The following MASP1 variants were observed in gnomAD, a reference collection of about 807,000 sequenced individuals.
MASP1 encodes mannan-binding lectin serine protease 1.
In MASP1, 59 loss-of-function variants were observed where a neutral mutation model predicts 77.1. The observed-to-expected ratio is 0.77, with a 90% CI of 0.62 to 0.95. The LOEUF is 0.95. Among genes scored for constraint, MASP1 ranks in the 40% least tolerant of loss-of-function variants. The pLI, the probability that MASP1 is intolerant of heterozygous loss-of-function variation, is 0.00. For missense variants in MASP1, 885 were observed against 912.9 expected (o/e 0.97, Z 0.39); for synonymous variants, 362 against 354.5 (o/e 1.02, Z -0.24).
intron 12 of MASP1, chr3:187,226,077 T>C (rs1712408636): frequency 2.6e-6 from 1 of 379,944 alleles, no homozygotes; most frequent in African/African-American, 2.1e-5. Context: ...TCTGATTTTA[T>C]AAACAAGAGG....
At chr3:187,264,943 G>A (rs1715894078) in intron 2 of MASP1, among the ~76,000 whole-genome samples, 1 of 152,050 alleles carries the variant, frequency 6.6e-6, no homozygotes, top group Non-Finnish European at 1.5e-5. Context: ...TGGAGGTCCT[G>A]GGTCCTGTTC....
At chr3:187,232,614 G>A (rs982895466), downstream of MASP1, among the ~76,000 whole-genome samples, 8 of 152,026 alleles carry the variant, frequency 5.3e-5, no homozygotes, top group South Asian at 6.2e-4. Context: ...TCAATCAGTC[G>A]CTGAGCTGCT....
intron 9 of MASP1, chr3:187,242,510 T>TCAAAAA (rs4012005): frequency 0.12 from 18,243 of 152,154 alleles, 1,217 homozygotes; most frequent in African/African-American, 0.17. Context: ...AGACCCTGTC[T>TCAAAAA]CAAAAACAAA....
intron 14 of MASP1, chr3:187,221,187 A>G: frequency 7.5e-7 from 1 of 1,330,518 alleles, no homozygotes; most frequent in African/African-American, 1.4e-5. Context: ...AGCCTCTGCT[A>G]TTCTGACACC....
chr3:187,267,824 G>A (rs1161743549), intron 2 of MASP1, among the ~76,000 whole-genome samples: 1 of 152,188 alleles, frequency 6.6e-6, no homozygotes, highest in East Asian at 1.9e-4. Context: ...CCATGCCAGG[G>A]CTTTAAGAGA....
At position 187,251,710 on chromosome 3, in the gene MASP1, ATTTTCCCATGGACAGGAG is replaced by A. The variant is rs1384754499; in HGVS notation, c.917_934del (p.Pro306_Ile312delinsLeu). The A allele has an allele frequency of 6.2e-7, 1 of 1,614,004 alleles. No homozygotes were observed. The highest frequency in any genetic ancestry group is 8.5e-7 in the Non-Finnish European group (1 of 1,179,984). On this transcript the variant is annotated inframe_deletion, in exon 7 of 11. Coordinates refer to ENST00000296280, the MANE Select transcript of MASP1 (RefSeq NM_139125.4). ...GAAATACTTGGCTTGGGAGGGCTCG[ATTTTCCCATGGACAGGAG>A]GCTGTAGCTCTGGGCACTCATTTCC...
intron 2 of MASP1, among the ~76,000 whole-genome samples, chr3:187,273,572 C>G (rs1007783230): frequency 6.6e-6 from 1 of 152,262 alleles, no homozygotes; most frequent in South Asian, 2.1e-4. Context: ...TGTGCGAGCT[C>G]GGTACTCCTG....
At chr3:187,257,167 T>G (rs971101403) in intron 4 of MASP1, among the ~76,000 whole-genome samples, 2 of 152,026 alleles carry the variant, frequency 1.3e-5, no homozygotes, top group Non-Finnish European at 1.5e-5. Flanking sequence ...GGTTTTGAGA[T>G]GGAGTGGTCA....
At chr3:187,291,556 G>C in intron 1 of MASP1, 72 bp downstream of exon 1, 1 of 1,591,416 alleles carries the variant, frequency 6.3e-7, no homozygotes, top group Non-Finnish European at 8.6e-7. Flanking sequence ...TCAGTGACAA[G>C]GTCAGACCTT....
intron 2 of MASP1, chr3:187,262,976 G>A (rs1320105995): frequency 1.1e-5 from 5 of 469,664 alleles, no homozygotes; most frequent in Non-Finnish European, 1.5e-5. Flanking sequence ...CAATAACCAA[G>A]CAGCTTATTT....
intron 7 of MASP1, 170 bp downstream of exon 7, chr3:187,251,464 C>A: frequency 1.5e-6 from 1 of 659,022 alleles, no homozygotes; most frequent in Non-Finnish European, 2.7e-6. Context: ...GTGAGACCGC[C>A]TGGGACGCAT....
At chr3:187,247,184 C>G in intron 8 of MASP1, 1 of 1,537,504 alleles carries the variant, frequency 6.5e-7, no homozygotes. Context: ...GCTTCAACTG[C>G]TGAGATCATG....
intron 13 of MASP1, among the ~76,000 whole-genome samples, chr3:187,225,082 C>T (rs1002100817): frequency 7.2e-5 from 11 of 152,174 alleles, no homozygotes; most frequent in East Asian, 1.9e-4. Flanking sequence ...CTCTCTGTTA[C>T]GATAACTAGT....
At chr3:187,288,828 G>A (rs942177503) in intron 1 of MASP1, among the ~76,000 whole-genome samples, 20 of 152,332 alleles carry the variant, frequency 1.3e-4, no homozygotes, top group African/African-American at 3.8e-4. Flanking sequence ...CCAGAAGCCC[G>A]GTGCCATGTG....
downstream of MASP1, among the ~76,000 whole-genome samples, chr3:187,232,113 G>A (rs1430190616): frequency 6.6e-6 from 1 of 152,100 alleles, no homozygotes; most frequent in East Asian, 1.9e-4. Context: ...TTCCATCCTG[G>A]AGTCCTTTAT....
Position 187,284,207 on chromosome 3 carries a change from C to T in MASP1, c.237+1618G>A, listed in dbSNP as rs77474055. Among the ~76,000 whole-genome samples, 1,014 of 152,242 alleles carry T rather than the reference C, an allele frequency of 6.7e-3. 10 individuals are homozygous for T. The highest frequency in any genetic ancestry group is 0.023 in the African/African-American group (961 of 41,536). On this transcript the variant is annotated intron_variant, in intron 2 of 10. Coordinates refer to ENST00000296280, the MANE Select transcript of MASP1 (RefSeq NM_139125.4). Reference sequence around the variant, plus strand: ...TGCAATGGCTATTTTCAAGACTCATCTTTCTTTTTAAGGGACCAGATCTTT... The same window carrying T: ...TGCAATGGCTATTTTCAAGACTCATTTTTCTTTTTAAGGGACCAGATCTTT...
intron 13 of MASP1, among the ~76,000 whole-genome samples, chr3:187,224,778 T>C (rs1712311685): frequency 1.3e-5 from 2 of 152,228 alleles, no homozygotes; most frequent in Admixed American, 1.3e-4. Context: ...CAGGGGGCAC[T>C]TTCAGAAAGG....
intron 1 of MASP1, among the ~76,000 whole-genome samples, chr3:187,290,116 T>G (rs1718190424): frequency 6.6e-6 from 1 of 152,130 alleles, no homozygotes; most frequent in Non-Finnish European, 1.5e-5. Flanking sequence ...TCATGTAACT[T>G]AAGGAGTGCT....
chr3:187,288,696 A>G (rs1013449452), intron 1 of MASP1, among the ~76,000 whole-genome samples: 5 of 152,160 alleles, frequency 3.3e-5, no homozygotes, highest in African/African-American at 1.2e-4. Context: ...GCGACACCCA[A>G]ATTATGCAAG....
Sources: allele counts gnomAD v4.1 joint callset (sites outside exome capture counted in the v4.1 genomes callset), GRCh38; gene constraint gnomAD v4.1.1; transcripts MANE v1.5; gene names NCBI Gene and HGNC (gene_info 2026-07-23, HGNC 2026-07-21).